Variants in DYTN observed in about 807,000 individuals in gnomAD.
DYTN encodes dystrotelin.
In DYTN, 75 loss-of-function variants were observed where a neutral mutation model predicts 69.6. The ratio of observed to expected loss-of-function variants is 1.08; its 90% CI spans 0.89 to 1.31. The LOEUF is 1.31. Ranked by LOEUF, DYTN falls within the 50% of genes most tolerant of loss-of-function variation. DYTN has a pLI of 0.00. For synonymous variants in DYTN, 252 were observed against 249.1 expected (o/e 1.01, Z -0.11); for missense variants, 726 against 688.4 (o/e 1.05, Z -0.61).
At chr2:206,667,533 C>G (rs201349646) in intron 9 of DYTN, among the ~76,000 whole-genome samples, 1 of 152,318 alleles carries the variant, frequency 6.6e-6, no homozygotes, top group Admixed American at 6.5e-5. Flanking sequence ...GGCATTCTGC[C>G]ATGTCTAATT....
intron 9 of DYTN, among the ~76,000 whole-genome samples, chr2:206,692,779 GT>G (rs1230803728): frequency 1.3e-5 from 2 of 151,702 alleles, no homozygotes; most frequent in Non-Finnish European, 2.9e-5. Flanking sequence ...TCTGTGAGTG[GT>G]GGTATGCTGA....
chr2:206,674,425 T>C (rs983940747), intron 9 of DYTN, among the ~76,000 whole-genome samples: 2 of 152,128 alleles, frequency 1.3e-5, no homozygotes, highest in African/African-American at 4.8e-5. Context: ...ACTATTAAGT[T>C]TGAACAAATA....
At chr2:206,689,852 C>G (rs1014831810) in intron 9 of DYTN, among the ~76,000 whole-genome samples, 11 of 152,150 alleles carry the variant, frequency 7.2e-5, no homozygotes, top group African/African-American at 2.7e-4. Flanking sequence ...CCATCATGCG[C>G]TATACATTTT....
At position 206,710,660 on chromosome 2, in the gene DYTN, T is replaced by C. The variant is rs945597101; in HGVS notation, c.20-62A>G. The C allele has an allele frequency of 5.4e-6, 7 of 1,304,130 alleles. No homozygotes were observed. The African/African-American group carries it at 9.0e-5, about 17-fold the overall frequency. 80.8% of individuals were successfully genotyped at this position (1,304,130 alleles called of 1,614,324 possible). ...CTCTCATTATATAAATCCCACATCATGGAAGGAAATCCTAGAGATCATGTA... is the reference window on the plus strand; with the variant it reads ...CTCTCATTATATAAATCCCACATCACGGAAGGAAATCCTAGAGATCATGTA... On this transcript the variant is annotated intron_variant, in intron 1 of 11. Coordinates refer to ENST00000452335, the MANE Select transcript of DYTN (RefSeq NM_001093730.1).
At chr2:206,690,426 C>CA (rs1412345342) in intron 9 of DYTN, among the ~76,000 whole-genome samples, 1 of 152,018 alleles carries the variant, frequency 6.6e-6, no homozygotes, top group South Asian at 2.1e-4. Context: ...GGGAAGGCCA[C>CA]AAAAAAGTTT....
chr2:206,670,856 G>A (rs983362209), intron 9 of DYTN, among the ~76,000 whole-genome samples: 1 of 152,136 alleles, frequency 6.6e-6, no homozygotes, highest in African/African-American at 2.4e-5. Flanking sequence ...TTCCCCAAAG[G>A]CATCTACAGG....
intron 9 of DYTN, among the ~76,000 whole-genome samples, chr2:206,688,907 G>A (rs1699837966): frequency 6.6e-6 from 1 of 151,874 alleles, no homozygotes; most frequent in African/African-American, 2.4e-5. Context: ...TTTATAGCTG[G>A]TTATTGCTAG....
At chr2:206,657,852 C>T (rs1190931682) in intron 11 of DYTN, among the ~76,000 whole-genome samples, 1 of 152,188 alleles carries the variant, frequency 6.6e-6, no homozygotes, top group Non-Finnish European at 1.5e-5. Flanking sequence ...TCTTTCAGTT[C>T]ATCTAACTCA....
chr2:206,675,246 T>C (rs1339240983), intron 9 of DYTN, among the ~76,000 whole-genome samples: 2 of 144,454 alleles, frequency 1.4e-5, no homozygotes, highest in East Asian at 3.9e-4. Context: ...TATATGTAAA[T>C]AAACATATAT....
intron 9 of DYTN, among the ~76,000 whole-genome samples, chr2:206,670,891 C>T (rs1699622961): frequency 6.6e-6 from 1 of 152,184 alleles, no homozygotes; most frequent in Non-Finnish European, 1.5e-5. Flanking sequence ...CTTTCTTTCC[C>T]TTGGCTTAGG....
chr2:206,661,583 T>C (rs1296635471), intron 11 of DYTN, among the ~76,000 whole-genome samples: 2 of 152,156 alleles, frequency 1.3e-5, no homozygotes, highest in Non-Finnish European at 2.9e-5. Context: ...ATGAAAATAA[T>C]GAGGATGAAG....
In DYTN at chr2:206,665,903, C is replaced by CCATA. The variant is rs1333340444; in HGVS notation, c.1103_1106dup (p.Trp369CysfsTer34). The CCATA allele has an allele frequency of 6.2e-7, 1 of 1,613,806 alleles. No homozygotes were observed. Among genetic ancestry groups the CCATA allele is most frequent in the African/African-American group, 1.3e-5 (1 of 74,902 alleles). ...CCCGTCTTATCTGTTGTAGCTTGGT[C>CCATA]CATAGACTATCCTGGTTGGTTTTGA... On this transcript the variant is annotated frameshift_variant, in exon 10 of 12. Transcript: ENST00000452335. LOFTEE classifies it high-confidence loss of function.
intron 4 of DYTN, 149 bp from the exon 5 acceptor site, chr2:206,705,092 G>C (rs533901824): frequency 3.5e-5 from 23 of 658,500 alleles, no homozygotes; most frequent in South Asian, 3.4e-4. Context: ...TATTATGAAG[G>C]CCTCCAAAAC....
chr2:206,692,806 T>C (rs1055376065), intron 9 of DYTN, among the ~76,000 whole-genome samples: 15 of 142,322 alleles, frequency 1.1e-4, no homozygotes, highest in Non-Finnish European at 1.9e-4. Context: ...TTTCTTTTCC[T>C]TTTTTTTTTT....
At chr2:206,715,420 C>T (rs1006689888) in intron 1 of DYTN, among the ~76,000 whole-genome samples, 4 of 152,148 alleles carry the variant, frequency 2.6e-5, no homozygotes, top group East Asian at 1.9e-4. Flanking sequence ...GCCAGCTGCC[C>T]GTATATATCA....
Position 206,663,387 on chromosome 2 carries a change from C to T in DYTN, c.1149G>A (p.Leu383=). 1 of 1,586,488 alleles carries T rather than the reference C, an allele frequency of 6.3e-7. No homozygotes were observed. Among genetic ancestry groups the T allele is most frequent in the Non-Finnish European group, 8.6e-7 (1 of 1,168,098 alleles). Residue 383 remains leucine, a synonymous_variant, in exon 11 of 12, where the codon TTG becomes TTA. Transcript: ENST00000452335. ...QQIRRDLQAR[L]QPPGPSSSSF... is the part of the protein sequence containing the mutation. ...AAGAAGATGAAGGACCGGGTGGCTG[C>T]AACCTTGCCTGGGGAAACAAAACTT...
rs570347173 is a variant in DYTN, at chr2:206,693,368, C to T, written c.832-45G>A. 60 of 1,577,356 alleles carry T rather than the reference C, an allele frequency of 3.8e-5. 1 individual carries two copies. In the East Asian group the frequency reaches 7.1e-4, roughly 19 times the overall value. ...TTTTAAAAAGCGTCAGATCAGTCTACGTGTGGTCTTCCTTCCTTACTTGGA... is the reference window on the plus strand; with the variant it reads ...TTTTAAAAAGCGTCAGATCAGTCTATGTGTGGTCTTCCTTCCTTACTTGGA... On this transcript the variant is annotated intron_variant, in intron 8 of 11. Coordinates refer to ENST00000452335, the MANE Select transcript of DYTN (RefSeq NM_001093730.1).
intron 3 of DYTN, among the ~76,000 whole-genome samples, chr2:206,706,900 T>TAAA (rs199983044): frequency 0.019 from 2,224 of 119,682 alleles, 61 homozygotes; most frequent in African/African-American, 0.064. Flanking sequence ...TTATTCTAGC[T>TAAA]AAAAAAAAAA....
chr2:206,691,024 AT>A, intron 9 of DYTN, among the ~76,000 whole-genome samples: 1 of 152,104 alleles, frequency 6.6e-6, no homozygotes. Flanking sequence ...AGGCATAAGG[AT>A]TTGGAAGGGA....
Sources: allele counts gnomAD v4.1 joint callset (sites outside exome capture counted in the v4.1 genomes callset), GRCh38; gene constraint gnomAD v4.1.1; transcripts MANE v1.5; gene names NCBI Gene and HGNC (gene_info 2026-07-23, HGNC 2026-07-21).